Variants in UBE2W observed in about 807,000 individuals in gnomAD.
The protein encoded by UBE2W is ubiquitin-conjugating enzyme E2 W.
Under a neutral mutation model 27.2 loss-of-function variants are expected in UBE2W, and 18 were observed. The ratio of observed to expected loss-of-function variants is 0.66; its 90% CI spans 0.46 to 0.98. The LOEUF is 0.98. Among genes scored for constraint, UBE2W ranks in the 50% least tolerant of loss-of-function variants. The pLI, the probability that UBE2W is intolerant of heterozygous loss-of-function variation, is 0.00. For missense variants in UBE2W, 90 were observed against 180.2 expected (o/e 0.50, Z 2.87); for synonymous variants, 53 against 57.2 (o/e 0.93, Z 0.33).
intron 3 of UBE2W, among the ~76,000 whole-genome samples, chr8:73,812,751 CCAG>C (rs1809201486): frequency 6.6e-6 from 1 of 151,746 alleles, no homozygotes; most frequent in Admixed American, 6.6e-5. Context: ...GCCTGTAATC[CCAG>C]CACTTTGGCA....
chr8:73,791,578 T>G lies in UBE2W; in HGVS notation c.*2524A>C, dbSNP rs1808200874. The G allele has an allele frequency of 1.0e-6, 1 of 985,100 alleles. No individual in the cohort carries two copies. Among genetic ancestry groups the G allele is most frequent in the African/African-American group, 1.7e-5 (1 of 57,220 alleles). The allele number at this position is 985,100 out of a possible 1,614,324, so 61.0% of individuals were successfully genotyped here. A position where few individuals can be genotyped will look rare whatever the true frequency, so the allele number is the denominator to read the frequency against. On this transcript the variant is annotated 3_prime_UTR_variant, in exon 6 of 6. Coordinates refer to ENST00000602593, the MANE Select transcript of UBE2W (RefSeq NM_018299.6). ...TACAGAGAAATATTCTTTTTATTATTACAAGCCATTAATTGCTCTCTGTAG... is the reference window on the plus strand; with the variant it reads ...TACAGAGAAATATTCTTTTTATTATGACAAGCCATTAATTGCTCTCTGTAG...
intron 3 of UBE2W, among the ~76,000 whole-genome samples, chr8:73,812,565 G>A (rs948274981): frequency 2.6e-5 from 4 of 152,056 alleles, no homozygotes; most frequent in African/African-American, 9.7e-5. Flanking sequence ...CCCATGTGTT[G>A]TAGATGTACA....
At chr8:73,833,777 A>G (rs958006316) in intron 1 of UBE2W, 1 of 152,140 alleles carries the variant, frequency 6.6e-6, no homozygotes, top group African/African-American at 2.4e-5. Context: ...TTTTTCAGAG[A>G]CAGGGTCTCG....
intron 1 of UBE2W, among the ~76,000 whole-genome samples, chr8:73,873,755 A>G (rs1812104733): frequency 6.6e-6 from 1 of 152,196 alleles, no homozygotes; most frequent in African/African-American, 2.4e-5. Context: ...CTGTTATTAA[A>G]TCTCAACCTC....
intron 5 of UBE2W, among the ~76,000 whole-genome samples, 197 bp downstream of exon 5, chr8:73,805,454 C>CAA (rs1162712227): frequency 0.048 from 693 of 14,552 alleles, 140 homozygotes; most frequent in African/African-American, 0.14. Context: ...AACTCCATCT[C>CAA]AAAAAAAAAA....
chr8:73,787,420 TTATAA>T lies in UBE2W; in HGVS notation c.*6677_*6681del. ...TACTATGGAAAGTAGAAATTAAGGA[TTATAA>T]TAAAGGAAAAGGGCATCATCAAAGT... On this transcript the variant is annotated 3_prime_UTR_variant, in exon 6 of 6. Coordinates refer to ENST00000602593, the MANE Select transcript of UBE2W (RefSeq NM_018299.6). The T allele has an allele frequency of 1.0e-6, 1 of 985,314 alleles. No individual in the cohort carries two copies. Among genetic ancestry groups the T allele is most frequent in the Non-Finnish European group, 1.2e-6 (1 of 829,884 alleles). The allele number at this position is 985,314 out of a possible 1,614,324, so 61.0% of individuals were successfully genotyped here. A position where few individuals can be genotyped will look rare whatever the true frequency, so the allele number is the denominator to read the frequency against.
At chr8:73,873,388 G>A (rs1244446616) in intron 1 of UBE2W, among the ~76,000 whole-genome samples, 1 of 152,188 alleles carries the variant, frequency 6.6e-6, no homozygotes, top group Non-Finnish European at 1.5e-5. Flanking sequence ...TGGGGGCAAT[G>A]GCTCATCCTG....
chr8:73,844,930 G>T (rs1364866003), intron 1 of UBE2W, among the ~76,000 whole-genome samples: 2 of 152,080 alleles, frequency 1.3e-5, no homozygotes, highest in African/African-American at 2.4e-5. Context: ...GGTCTGGGAA[G>T]TGAGGAGCCC....
At chr8:73,843,373 C>T (rs1810627296) in intron 1 of UBE2W, among the ~76,000 whole-genome samples, 1 of 152,152 alleles carries the variant, frequency 6.6e-6, no homozygotes, top group Admixed American at 6.5e-5. Flanking sequence ...TGGCTTGTGC[C>T]TGTAATCCAA....
chr8:73,825,040 T>G, intron 3 of UBE2W, 107 bp downstream of exon 3: 1 of 633,752 alleles, frequency 1.6e-6, no homozygotes, highest in Non-Finnish European at 2.7e-6. Context: ...AAATAACAAA[T>G]CCATCTACAT....
At chr8:73,817,482 A>C (rs1375917162) in intron 3 of UBE2W, among the ~76,000 whole-genome samples, 4 of 152,198 alleles carry the variant, frequency 2.6e-5, no homozygotes, top group African/African-American at 9.7e-5. Context: ...GAAAAGTAGT[A>C]ATAGAGTCAA....
In UBE2W at chr8:73,793,274, G is replaced by A; in HGVS notation, c.*828C>T. The A allele has an allele frequency of 1.0e-6, 1 of 985,716 alleles. No homozygotes were observed. The allele number at this position is 985,716 out of a possible 1,614,324, so 61.1% of individuals were successfully genotyped here. A position where few individuals can be genotyped will look rare whatever the true frequency, so the allele number is the denominator to read the frequency against. On this transcript the variant is annotated 3_prime_UTR_variant, in exon 6 of 6. Transcript: ENST00000602593. Reference sequence around the variant, plus strand: ...TGTACAAATAACAAGCCCAAATTATGGACTGCAGCAATTTAATCATCACTG... The same window carrying A: ...TGTACAAATAACAAGCCCAAATTATAGACTGCAGCAATTTAATCATCACTG...
chr8:73,864,757 G>T, intron 1 of UBE2W, among the ~76,000 whole-genome samples: 1 of 134,524 alleles, frequency 7.4e-6, no homozygotes, highest in African/African-American at 2.8e-5. Flanking sequence ...TTTTGGGGGG[G>T]GGGGGCGGGG....
intron 1 of UBE2W, among the ~76,000 whole-genome samples, chr8:73,867,003 C>CAA (rs35890299): frequency 1.4e-3 from 170 of 121,036 alleles, no homozygotes; most frequent in African/African-American, 9.5e-4. Context: ...GGCTCCGTCC[C>CAA]AAAAAAAAAA....
In UBE2W at chr8:73,792,218, C is replaced by T; in HGVS notation, c.*1884G>A. ...TGGTTAAACAGGCCAACTAATAAAACTGACAGAGATCATTGTGAGAATTTA... is the reference window on the plus strand; with the variant it reads ...TGGTTAAACAGGCCAACTAATAAAATTGACAGAGATCATTGTGAGAATTTA... On this transcript the variant is annotated 3_prime_UTR_variant, in exon 6 of 6. Coordinates refer to ENST00000602593, the MANE Select transcript of UBE2W (RefSeq NM_018299.6). 3.0e-6 allele frequency: 3 copies of T among 985,674 alleles called. No homozygotes were observed. The highest frequency in any genetic ancestry group is 3.6e-6 in the Non-Finnish European group (3 of 829,812). The allele number at this position is 985,674 out of a possible 1,614,324, so 61.1% of individuals were successfully genotyped here.
intron 4 of UBE2W, among the ~76,000 whole-genome samples, chr8:73,806,966 G>A (rs111716758): frequency 7.2e-5 from 11 of 152,326 alleles, no homozygotes; most frequent in African/African-American, 2.4e-4. Flanking sequence ...CCGCAAGGGA[G>A]CTACCGCAGA....
chr8:73,855,399 T>C (rs1811251599), intron 1 of UBE2W, among the ~76,000 whole-genome samples: 1 of 137,170 alleles, frequency 7.3e-6, no homozygotes, highest in Non-Finnish European at 1.6e-5. Context: ...ACTTTCTTTT[T>C]TTTTTTTTTT....
intron 1 of UBE2W, among the ~76,000 whole-genome samples, chr8:73,838,132 A>C (rs1434860819): frequency 6.6e-6 from 1 of 152,168 alleles, no homozygotes; most frequent in Non-Finnish European, 1.5e-5. Flanking sequence ...ATACATCTAA[A>C]TACCAATAAT....
chr8:73,870,437 G>A, intron 1 of UBE2W: 1 of 743,212 alleles, frequency 1.3e-6, no homozygotes, highest in Non-Finnish European at 2.1e-6. Flanking sequence ...AGCTTAAAAT[G>A]GGAAACATAG....
Sources: allele counts gnomAD v4.1 joint callset (sites outside exome capture counted in the v4.1 genomes callset), GRCh38; gene constraint gnomAD v4.1.1; transcripts MANE v1.5; gene names NCBI Gene and HGNC (gene_info 2026-07-23, HGNC 2026-07-21).